The following WASF2 variants were observed in gnomAD, a reference collection of about 807,000 sequenced individuals.
WASF2 encodes the protein actin-binding protein WASF2.
WASF2 carries 14 observed loss-of-function variants against 45.0 expected under a neutral mutation model. The observed-to-expected ratio is 0.31, with a 90% CI of 0.21 to 0.49. The LOEUF is 0.49. WASF2 is among the 20% of genes least tolerant of loss of function. The pLI is 0.99. For synonymous variants in WASF2, 200 were observed against 236.3 expected, an observed-to-expected ratio of 0.85 and a Z score of 1.41; for missense variants, 439 against 636.1, an observed-to-expected ratio of 0.69 and a Z score of 3.33.
At chr1:27,424,056 T>TA (rs1557600289) in intron 2 of WASF2, among the ~76,000 whole-genome samples, 1 of 152,208 alleles carries the variant, frequency 6.6e-6, no homozygotes, top group Non-Finnish European at 1.5e-5. Context: ...CCAATCTCAC[T>TA]ATTCTGAGAA....
intron 1 of WASF2, among the ~76,000 whole-genome samples, chr1:27,487,324 C>T (rs2017944197): frequency 1.4e-5 from 2 of 143,062 alleles, no homozygotes; most frequent in South Asian, 4.2e-4. Context: ...TGGTCTCGAT[C>T]TCCCGACCTC....
Position 27,418,316 on chromosome 1 carries a change from G to A in WASF2, c.372C>T (p.Tyr124=), listed in dbSNP as rs2016853520. The change falls in exon 4 of 9, where the codon TAC becomes TAT. Residue 124 remains tyrosine (Y), a synonymous_variant. Coordinates refer to ENST00000618852, the MANE Select transcript of WASF2 (RefSeq NM_006990.5). ...NSLPVPVLET[Y]NTCDTPPPLN... ...GAGGGGGAGGAGTATCACAGGTATTGTATGTTTCTAAGACAGGCACTGGGA... is the reference window on the plus strand; with the variant it reads ...GAGGGGGAGGAGTATCACAGGTATTATATGTTTCTAAGACAGGCACTGGGA... 1 of 1,614,198 alleles carries A rather than the reference G, an allele frequency of 6.2e-7. No individual in the cohort carries two copies. Among genetic ancestry groups the A allele is most frequent in the East Asian group, 2.2e-5 (1 of 44,892 alleles).
chr1:27,409,491 G>A (rs992724613), intron 8 of WASF2, among the ~76,000 whole-genome samples: 1 of 150,352 alleles, frequency 6.7e-6, no homozygotes, highest in African/African-American at 2.5e-5. Flanking sequence ...AAACCAAGGT[G>A]GAAAGAAATC....
intron 1 of WASF2, among the ~76,000 whole-genome samples, chr1:27,480,400 C>T (rs1022459230): frequency 1.3e-5 from 2 of 151,778 alleles, no homozygotes; most frequent in African/African-American, 2.4e-5. Context: ...ACCTGTAATC[C>T]CAGCTACTCG....
chr1:27,416,203 G>T, intron 4 of WASF2, 101 bp from the exon 5 acceptor site: 3 of 953,482 alleles, frequency 3.1e-6, no homozygotes, highest in East Asian at 2.4e-5. Flanking sequence ...TTACACCAAG[G>T]AATCAAGAAG....
At chr1:27,415,513 G>A (rs375927033) in intron 5 of WASF2, among the ~76,000 whole-genome samples, 13 of 152,272 alleles carry the variant, frequency 8.5e-5, no homozygotes, top group African/African-American at 2.9e-4. Flanking sequence ...AGAGTCTATG[G>A]GGAGGGAGAA....
chr1:27,478,069 T>C (rs2017793600), intron 1 of WASF2, among the ~76,000 whole-genome samples: 1 of 149,082 alleles, frequency 6.7e-6, no homozygotes, highest in African/African-American at 2.5e-5. Flanking sequence ...CTGACCAACA[T>C]GGTGAAACCC....
chr1:27,484,439 A>G (rs1242580618), intron 1 of WASF2, among the ~76,000 whole-genome samples: 1 of 152,192 alleles, frequency 6.6e-6, no homozygotes, highest in African/African-American at 2.4e-5. Context: ...AGATGTGCAA[A>G]TTGTGGAAGC....
chr1:27,475,516 A>C (rs2017754067), intron 1 of WASF2, among the ~76,000 whole-genome samples: 2 of 152,180 alleles, frequency 1.3e-5, no homozygotes, highest in Middle Eastern at 3.2e-3. Context: ...TCACCTTCTC[A>C]GAGAAGCCTT....
At chr1:27,435,387 C>A (rs955687995) in intron 1 of WASF2, among the ~76,000 whole-genome samples, 1 of 152,038 alleles carries the variant, frequency 6.6e-6, no homozygotes, top group African/African-American at 2.4e-5. Context: ...GAGTTCAAGA[C>A]CAGCTTGGGC....
At chr1:27,408,491 G>A (rs186212277) in intron 8 of WASF2, 145 bp from the exon 9 acceptor site, 2 of 1,178,644 alleles carry the variant, frequency 1.7e-6, no homozygotes, top group Non-Finnish European at 1.2e-6. Context: ...AAAAGCAGAA[G>A]AAGATGAGTT....
At chr1:27,481,286 A>G (rs551917754) in intron 1 of WASF2, among the ~76,000 whole-genome samples, 5 of 152,264 alleles carry the variant, frequency 3.3e-5, no homozygotes, top group South Asian at 2.1e-4. Flanking sequence ...CCTGGGCGAC[A>G]GAGGGAGACT....
At chr1:27,421,836 C>G (rs962843031) in intron 2 of WASF2, among the ~76,000 whole-genome samples, 1 of 151,654 alleles carries the variant, frequency 6.6e-6, no homozygotes. Context: ...ATTAGCTGGG[C>G]GTGGTGGCGG....
intron 1 of WASF2, among the ~76,000 whole-genome samples, chr1:27,449,457 G>T (rs1188854124): frequency 6.6e-6 from 1 of 152,002 alleles, no homozygotes. Context: ...AAATTAGCTG[G>T]GCATGGTGGC....
intron 1 of WASF2, among the ~76,000 whole-genome samples, chr1:27,454,209 T>TA (rs2017436284): frequency 9.4e-6 from 1 of 105,912 alleles, no homozygotes; most frequent in Admixed American, 1.2e-4. Context: ...TTTTTTTTTT[T>TA]AAAGATACAG....
chr1:27,421,192 T>C (rs776114784), intron 2 of WASF2, among the ~76,000 whole-genome samples: 17 of 152,230 alleles, frequency 1.1e-4, no homozygotes, highest in Non-Finnish European at 2.2e-4. Flanking sequence ...AGAACTCAAA[T>C]TGGCTGACAA....
intron 8 of WASF2, 84 bp from the exon 9 acceptor site, chr1:27,408,430 C>A: frequency 6.5e-7 from 1 of 1,546,314 alleles, no homozygotes; most frequent in Non-Finnish European, 8.8e-7. Context: ...GGAGTGGCCA[C>A]CAATGGGTAA....
At chr1:27,464,751 C>CA (rs946942874) in intron 1 of WASF2, among the ~76,000 whole-genome samples, 4 of 152,190 alleles carry the variant, frequency 2.6e-5, no homozygotes, top group Non-Finnish European at 5.9e-5. Flanking sequence ...CATTTTGAGA[C>CA]AGAGTCTCGC....
At chr1:27,488,136 A>G (rs1260488299) in intron 1 of WASF2, among the ~76,000 whole-genome samples, 1 of 152,130 alleles carries the variant, frequency 6.6e-6, no homozygotes, top group African/African-American at 2.4e-5. Flanking sequence ...TCCACTGCTA[A>G]GAAACGCCCT....
Sources: allele counts gnomAD v4.1 joint callset (sites outside exome capture counted in the v4.1 genomes callset), GRCh38; gene constraint gnomAD v4.1.1; transcripts MANE v1.5; gene names NCBI Gene and HGNC (gene_info 2026-07-23, HGNC 2026-07-21).